Variants in SLC24A4 observed in about 807,000 individuals in gnomAD.
SLC24A4 encodes the protein solute carrier family 24 member 4, also known as sodium/potassium/calcium exchanger 4.
SLC24A4 carries 53 observed loss-of-function variants against 79.0 expected under a neutral mutation model. That is an observed-to-expected ratio of 0.67 (90% CI 0.54 to 0.84). The LOEUF is 0.84. SLC24A4 is among the 40% of genes least tolerant of loss of function. The pLI, the probability that SLC24A4 is intolerant of heterozygous loss-of-function variation, is 0.00. For synonymous variants in SLC24A4, 323 were observed against 323.8 expected (o/e 1.00, Z 0.03); for missense variants, 731 against 822.0 (o/e 0.89, Z 1.35).
intron 2 of SLC24A4, among the ~76,000 whole-genome samples, chr14:92,338,973 A>G (rs908416623): frequency 3.3e-5 from 5 of 152,198 alleles, no homozygotes; most frequent in African/African-American, 1.2e-4. Flanking sequence ...AGAGTCCCTC[A>G]TTGCACCCCT....
chr14:92,412,919 A>G (rs1009570429), intron 2 of SLC24A4, among the ~76,000 whole-genome samples: 1 of 152,224 alleles, frequency 6.6e-6, no homozygotes, highest in African/African-American at 2.4e-5. Context: ...GTTAAAAAGG[A>G]ATACTATTTT....
chr14:92,384,702 T>C (rs1340226710), intron 2 of SLC24A4, among the ~76,000 whole-genome samples: 2 of 152,102 alleles, frequency 1.3e-5, no homozygotes, highest in Non-Finnish European at 2.9e-5. Flanking sequence ...AGCATTACAG[T>C]GGAGCTGTCA....
chr14:92,323,809 G>A lies in SLC24A4; in HGVS notation c.-22G>A. On this transcript the variant is annotated 5_prime_UTR_variant, in exon 1 of 17. Coordinates refer to ENST00000532405, the MANE Select transcript of SLC24A4 (RefSeq NM_153646.4). The surrounding 1 kb of genome is among the most constrained non-coding windows in gnomAD (Gnocchi z 4.9). ...CTGAAGCTCCCCATCCTCTCCCAGA[G>A]ACGGCACCCAGGCGCTCCGGGATGG... 1 of 1,550,486 alleles carries A rather than the reference G, an allele frequency of 6.4e-7. No individual in the cohort carries two copies. Among genetic ancestry groups the A allele is most frequent in the Non-Finnish European group, 8.7e-7 (1 of 1,154,894 alleles).
chr14:92,439,728 G>A (rs1172049915), intron 4 of SLC24A4, among the ~76,000 whole-genome samples: 1 of 152,254 alleles, frequency 6.6e-6, no homozygotes, highest in African/African-American at 2.4e-5. Flanking sequence ...AGGCCTGCCA[G>A]CTGCAGTGGA....
Position 92,490,858 on chromosome 14 carries a change from C to T in SLC24A4, c.1538-807C>T, listed in dbSNP as rs1220755573. Among the ~76,000 whole-genome samples the T allele has an allele frequency of 6.6e-6, 1 of 152,242 alleles. No homozygotes were observed. The highest frequency in any genetic ancestry group is 1.5e-5 in the Non-Finnish European group (1 of 68,044). On this transcript the variant is annotated intron_variant, in intron 14 of 16. Coordinates refer to ENST00000532405, the MANE Select transcript of SLC24A4 (RefSeq NM_153646.4). The surrounding 1 kb of genome is among the most constrained non-coding windows in gnomAD (Gnocchi z 4.3). ...GCCGTAAACAACGGAAGTGTATTGT[C>T]TTGTGGTTCCGGAGGCCAGAAGCCT... is the stretch of plus-strand genomic sequence containing the variant.
chr14:92,399,439 T>C, intron 2 of SLC24A4, among the ~76,000 whole-genome samples: 1 of 152,188 alleles, frequency 6.6e-6, no homozygotes, highest in Non-Finnish European at 1.5e-5. Flanking sequence ...GCTGTTGGAT[T>C]TTCACCAAAC....
intron 2 of SLC24A4, among the ~76,000 whole-genome samples, chr14:92,409,291 A>G (rs1315422037): frequency 6.6e-6 from 1 of 152,148 alleles, no homozygotes; most frequent in Non-Finnish European, 1.5e-5. Flanking sequence ...TGTGGAGGGG[A>G]GTGTCAGAGC....
At chr14:92,433,209 A>C (rs143958248) in intron 2 of SLC24A4, among the ~76,000 whole-genome samples, 55 of 152,260 alleles carry the variant, frequency 3.6e-4, no homozygotes, top group African/African-American at 1.3e-3. Context: ...TCATTCGTGT[A>C]TACCTCCGTT....
At chr14:92,335,186 T>A (rs767571131) in intron 2 of SLC24A4, among the ~76,000 whole-genome samples, 4 of 152,204 alleles carry the variant, frequency 2.6e-5, no homozygotes, top group Non-Finnish European at 5.9e-5. Context: ...GTTCCTCTGT[T>A]ACCCCTCCAT....
intron 2 of SLC24A4, among the ~76,000 whole-genome samples, chr14:92,332,923 T>C (rs1885560092): frequency 6.6e-6 from 1 of 152,246 alleles, no homozygotes; most frequent in Non-Finnish European, 1.5e-5. Flanking sequence ...TTGTTTAATT[T>C]AATTCATCTT....
intron 2 of SLC24A4, among the ~76,000 whole-genome samples, chr14:92,385,511 T>A (rs937273183): frequency 4.2e-4 from 56 of 132,788 alleles, no homozygotes; most frequent in African/African-American, 1.7e-3. Context: ...AAAAAAAAAA[T>A]CATGCAATGT....
chr14:92,408,512 A>G, intron 2 of SLC24A4: 1 of 810,594 alleles, frequency 1.2e-6, no homozygotes, highest in South Asian at 5.6e-5. Context: ...GAGCCAAGGT[A>G]GAAAACCTCC....
intron 2 of SLC24A4, among the ~76,000 whole-genome samples, chr14:92,337,784 G>A (rs1885898272): frequency 2.0e-5 from 3 of 152,170 alleles, no homozygotes; most frequent in South Asian, 2.1e-4. Flanking sequence ...GGTTCTGAGC[G>A]CTGACTTGTG....
At chr14:92,478,725 G>C (rs1384871730) in intron 12 of SLC24A4, among the ~76,000 whole-genome samples, 1 of 150,754 alleles carries the variant, frequency 6.6e-6, no homozygotes, top group African/African-American at 2.4e-5. Context: ...GGCTCAGCTT[G>C]TCAGTTTCTG....
intron 2 of SLC24A4, among the ~76,000 whole-genome samples, chr14:92,355,142 G>C (rs1195754901): frequency 6.6e-6 from 1 of 152,180 alleles, no homozygotes; most frequent in East Asian, 1.9e-4. Flanking sequence ...GGGCCCTAGA[G>C]TACTTGTTGG....
At chr14:92,476,955 G>C (rs1378294597) in intron 12 of SLC24A4, among the ~76,000 whole-genome samples, 1 of 152,036 alleles carries the variant, frequency 6.6e-6, no homozygotes, top group East Asian at 1.9e-4. Context: ...TTCATCACTT[G>C]GTTAATATTT....
intron 2 of SLC24A4, among the ~76,000 whole-genome samples, chr14:92,403,154 C>T (rs1890197607): frequency 6.6e-6 from 1 of 152,102 alleles, no homozygotes. Context: ...ATGCATGGCA[C>T]TTGTGATCTG....
rs577817718 is a variant in SLC24A4 at position 92,498,144 on chromosome 14, C to T, written c.*4516C>T. 3.9e-5 allele frequency: 6 copies of T among 152,418 alleles called. No individual in the cohort carries two copies. Among genetic ancestry groups the T allele is most frequent in the Admixed American group, 2.0e-4 (3 of 15,306 alleles). 9.4% of individuals were successfully genotyped at this position (152,418 alleles called of 1,614,324 possible). On this transcript the variant is annotated 3_prime_UTR_variant, in exon 17 of 17. Transcript: ENST00000532405. ...TAAGTCCATCAACCCCCATCTACCC[C>T]GGGCCTGAAGCGCTGCGCTTGCTCT...
At position 92,465,043 on chromosome 14, in the gene SLC24A4, G is replaced by T. The variant is rs374394114; in HGVS notation, c.1255+8435G>T. On this transcript the variant is annotated intron_variant, in intron 12 of 16. Transcript: ENST00000532405. Reference sequence around the variant, plus strand: ...TCCATGGCAGCCCTGCTGGGTAGCTGGTATTTATGGTATCCCCATTTCCCA... The same window carrying T: ...TCCATGGCAGCCCTGCTGGGTAGCTTGTATTTATGGTATCCCCATTTCCCA... Among the ~76,000 whole-genome samples the T allele has an allele frequency of 3.3e-5, 5 of 152,284 alleles. 1 individual carries two copies. Among genetic ancestry groups the T allele is most frequent in the African/African-American group, 1.2e-4 (5 of 41,552 alleles).
Sources: allele counts gnomAD v4.1 joint callset (sites outside exome capture counted in the v4.1 genomes callset), GRCh38; gene constraint gnomAD v4.1.1; non-coding constraint Gnocchi (gnomAD v3.1); transcripts MANE v1.5; gene names NCBI Gene and HGNC (gene_info 2026-07-23, HGNC 2026-07-21).